The following AGBL4 variants were observed in gnomAD, a reference collection of about 807,000 sequenced individuals.
AGBL4 encodes cytosolic carboxypeptidase 6.
A neutral mutation model predicts 66.4 loss-of-function variants in AGBL4; 58 were observed. The ratio of observed to expected loss-of-function variants is 0.87; its 90% confidence interval spans 0.71 to 1.09. The LOEUF is 1.09. AGBL4 is among the 50% of genes least tolerant of loss of function. The probability of loss-of-function intolerance (pLI) is 0.00; values close to 1 mark genes in which losing one functional copy is unlikely to be tolerated. For synonymous variants in AGBL4, 234 were observed against 222.9 expected (o/e 1.05, Z -0.44); for missense variants, 579 against 631.0 (o/e 0.92, Z 0.88).
At chr1:49,680,290 C>T (rs574165223) in intron 3 of AGBL4, among the ~76,000 whole-genome samples, 131 of 151,978 alleles carry the variant, frequency 8.6e-4, no homozygotes, top group Middle Eastern at 6.8e-3. Context: ...ACCTTGTGAT[C>T]CGCCTACCTC....
chr1:49,314,963 G>C (rs1645012727), intron 3 of AGBL4, among the ~76,000 whole-genome samples: 2 of 151,902 alleles, frequency 1.3e-5, no homozygotes, highest in African/African-American at 4.8e-5. Context: ...GTTTTGATTG[G>C]CATTTTTCTA....
At chr1:50,010,184 G>A (rs1002445542) in intron 1 of AGBL4, among the ~76,000 whole-genome samples, 1 of 151,956 alleles carries the variant, frequency 6.6e-6, no homozygotes, top group African/African-American at 2.4e-5. Context: ...GTACATGCCT[G>A]TAGTCCCAGC....
chr1:49,037,532 C>G (rs1348428611), intron 5 of AGBL4, among the ~76,000 whole-genome samples: 1 of 152,106 alleles, frequency 6.6e-6, no homozygotes, highest in African/African-American at 2.4e-5. Flanking sequence ...TCTGTCACCA[C>G]CCTTCCTATT....
chr1:49,381,505 C>G (rs537850693), intron 3 of AGBL4, among the ~76,000 whole-genome samples: 3 of 152,140 alleles, frequency 2.0e-5, no homozygotes, highest in South Asian at 2.1e-4. Flanking sequence ...GGTATATACC[C>G]AAAGGATTAT....
chr1:49,909,954 C>G (rs868478457), intron 1 of AGBL4, among the ~76,000 whole-genome samples: 1 of 152,004 alleles, frequency 6.6e-6, no homozygotes, highest in African/African-American at 2.4e-5. Context: ...GTTTGGGAAG[C>G]CTATTAGATA....
chr1:49,169,176 A>G (rs1171792375), intron 4 of AGBL4, among the ~76,000 whole-genome samples: 1 of 152,184 alleles, frequency 6.6e-6, no homozygotes, highest in Non-Finnish European at 1.5e-5. Context: ...AAGCCATATA[A>G]GAGAAAGTAT....
chr1:49,039,305 C>T (rs1342242352), intron 5 of AGBL4, among the ~76,000 whole-genome samples: 2 of 151,988 alleles, frequency 1.3e-5, no homozygotes, highest in Non-Finnish European at 2.9e-5. Context: ...ATGTACAACA[C>T]CCAGAGTGAA....
chr1:49,857,212 A>G (rs1646457898), intron 1 of AGBL4, among the ~76,000 whole-genome samples: 2 of 152,094 alleles, frequency 1.3e-5, no homozygotes, highest in African/African-American at 4.8e-5. Flanking sequence ...AACACTGATG[A>G]ATATAAAAAT....
intron 4 of AGBL4, among the ~76,000 whole-genome samples, chr1:49,081,766 G>GT (rs199624886): frequency 6.6e-6 from 1 of 152,128 alleles, no homozygotes; most frequent in African/African-American, 2.4e-5. Context: ...AAAAGCCAAA[G>GT]TTTTTTTATA....
intron 6 of AGBL4, among the ~76,000 whole-genome samples, chr1:48,752,990 C>T (rs1370885594): frequency 6.6e-6 from 1 of 152,146 alleles, no homozygotes; most frequent in Non-Finnish European, 1.5e-5. Context: ...CCTCGTGATC[C>T]GCCTGCCTCG....
At chr1:48,654,005 C>T (rs542430355) in intron 7 of AGBL4, among the ~76,000 whole-genome samples, 7 of 152,208 alleles carry the variant, frequency 4.6e-5, no homozygotes, top group African/African-American at 1.7e-4. Context: ...TCCAAATGTG[C>T]TTCTTTCCCC....
chr1:49,322,968 T>C (rs1297476515), intron 3 of AGBL4, among the ~76,000 whole-genome samples: 2 of 152,254 alleles, frequency 1.3e-5, no homozygotes, highest in African/African-American at 2.4e-5. Flanking sequence ...TCTTATATTG[T>C]CCTACATTTT....
chr1:49,631,322 TA>T (rs758527191), intron 3 of AGBL4, among the ~76,000 whole-genome samples: 2 of 152,172 alleles, frequency 1.3e-5, no homozygotes, highest in Non-Finnish European at 2.9e-5. Flanking sequence ...GACCTCTTTG[TA>T]AACTACCAAA....
intron 6 of AGBL4, among the ~76,000 whole-genome samples, chr1:48,701,430 A>T (rs1646799244): frequency 6.8e-6 from 1 of 147,364 alleles, no homozygotes; most frequent in South Asian, 2.2e-4. Context: ...ACCTAATACC[A>T]GATTGGCTTT....
chr1:48,582,261 CA>C (rs1156266192), intron 11 of AGBL4, among the ~76,000 whole-genome samples: 23 of 152,056 alleles, frequency 1.5e-4, no homozygotes, highest in Non-Finnish European at 2.9e-5. Context: ...AAAAAGTATG[CA>C]TTATTGATAA....
chr1:48,794,996 T>G (rs1327792782), intron 6 of AGBL4, among the ~76,000 whole-genome samples: 2 of 152,196 alleles, frequency 1.3e-5, no homozygotes, highest in African/African-American at 4.8e-5. Flanking sequence ...AAGATCAGGT[T>G]AGAAACCAGT....
intron 2 of AGBL4, among the ~76,000 whole-genome samples, chr1:49,739,281 G>A (rs1029294209): frequency 2.0e-5 from 3 of 152,140 alleles, no homozygotes; most frequent in Admixed American, 6.5e-5. Context: ...TAGCTGATTC[G>A]ATCAACTGGA....
intron 3 of AGBL4, among the ~76,000 whole-genome samples, chr1:49,543,769 G>GCTGGTGC (rs892976716): frequency 2.6e-5 from 4 of 152,116 alleles, no homozygotes; most frequent in African/African-American, 4.8e-5. Context: ...TTACTGATTT[G>GCTGGTGC]CTGGTGCCAT....
At chr1:49,798,169 G>C (rs1644776899) in intron 2 of AGBL4, among the ~76,000 whole-genome samples, 1 of 152,172 alleles carries the variant, frequency 6.6e-6, no homozygotes, top group Admixed American at 6.5e-5. Context: ...ATCAAATTAA[G>C]TAATTAAGCA....
Sources: gnomAD v4.1 joint callset for allele counts (sites outside exome capture counted in the v4.1 genomes callset) on GRCh38, gnomAD v4.1.1 for gene constraint, MANE v1.5 for transcripts, NCBI Gene and HGNC (gene_info 2026-07-23, HGNC 2026-07-21) for gene names.